The following EPHA7 variants were observed in gnomAD, a reference collection of about 807,000 sequenced individuals.
The protein encoded by EPHA7 is ephrin type-A receptor 7.
EPHA7 carries 25 observed loss-of-function variants against 112.6 expected under a neutral mutation model. That is an observed-to-expected ratio of 0.22 (90% CI 0.16 to 0.31). The LOEUF is 0.31. EPHA7 is among the 10% of genes least tolerant of loss of function. The probability of loss-of-function intolerance (pLI) is 1.00; values close to 1 mark genes in which losing one functional copy is unlikely to be tolerated. For missense variants in EPHA7, 962 were observed against 1,212.6 expected (o/e 0.79, Z 3.07); for synonymous variants, 437 against 406.5 (o/e 1.07, Z -0.90).
At chr6:93,263,308 T>C (rs2127866822) in intron 9 of EPHA7, among the ~76,000 whole-genome samples, 1 of 151,492 alleles carries the variant, frequency 6.6e-6, no homozygotes, top group East Asian at 1.9e-4. Context: ...CTAAATATGA[T>C]TTCTAAAATG....
chr6:93,346,230 T>C (rs1775400518), intron 5 of EPHA7, among the ~76,000 whole-genome samples: 1 of 151,838 alleles, frequency 6.6e-6, no homozygotes, highest in South Asian at 2.1e-4. Flanking sequence ...TGTCTTTACA[T>C]GAATAATGTA....
intron 9 of EPHA7, among the ~76,000 whole-genome samples, chr6:93,263,235 T>C (rs185286598): frequency 7.9e-5 from 12 of 151,490 alleles, no homozygotes; most frequent in African/African-American, 2.4e-4. Context: ...TCTTGTTTCA[T>C]TGCAACAAGA....
Position 93,394,135 on chromosome 6 carries a change from C to A in EPHA7, c.832+16366G>T, listed in dbSNP as rs549721829. Among the ~76,000 whole-genome samples the A allele has an allele frequency of 3.6e-4, 54 of 151,924 alleles. 1 individual carries two copies. In the South Asian group the frequency reaches 0.01, roughly 29 times the overall value. On this transcript the variant is annotated intron_variant, in intron 3 of 16. Transcript: ENST00000369303. ...ATTAGCTCAATTTAATCCACCACCA[C>A]AACCACCATTACAACTACTAACAAT...
chr6:93,404,556 T>TTA, intron 3 of EPHA7, among the ~76,000 whole-genome samples: 1 of 150,758 alleles, frequency 6.6e-6, no homozygotes, highest in African/African-American at 2.4e-5. Flanking sequence ...ATTCATGAAT[T>TTA]TATATATATA....
intron 14 of EPHA7, among the ~76,000 whole-genome samples, chr6:93,248,338 A>G (rs1341166845): frequency 1.3e-5 from 2 of 152,088 alleles, no homozygotes; most frequent in African/African-American, 2.4e-5. Context: ...ATTCTTTTGT[A>G]TAAGGGAAAA....
intron 7 of EPHA7, among the ~76,000 whole-genome samples, chr6:93,266,446 T>G (rs1770943231): frequency 6.6e-6 from 1 of 151,826 alleles, no homozygotes; most frequent in Non-Finnish European, 1.5e-5. Flanking sequence ...TATACATTTT[T>G]GTATATTGTC....
chr6:93,262,513 C>T (rs1261154873), intron 9 of EPHA7, among the ~76,000 whole-genome samples: 1 of 151,342 alleles, frequency 6.6e-6, no homozygotes, highest in Non-Finnish European at 1.5e-5. Flanking sequence ...TTTGCTACAG[C>T]ACTCCCAGGG....
In EPHA7 at chr6:93,414,733, C is replaced by T; in HGVS notation, c.132G>A (p.Glu44=). The T allele has an allele frequency of 3.1e-6, 5 of 1,612,614 alleles. No individual in the cohort carries two copies. The South Asian group carries it at 5.5e-5, about 18-fold the overall frequency. The change falls in exon 2 of 17, where the codon GAG becomes GAA. Residue 44 remains glutamate, a synonymous_variant. Transcript: ENST00000369303. ...TGGGTGGAGAGGAAATCCACTCCAA[C>T]TCTGTTTGTTGTGCTTTAGAATCCA... The part of the protein sequence containing the change: ...LLLDSKAQQT[E]LEWISSPPNG...
chr6:93,385,691 C>A (rs1415303782), intron 3 of EPHA7, among the ~76,000 whole-genome samples: 2 of 151,814 alleles, frequency 1.3e-5, no homozygotes, highest in African/African-American at 4.8e-5. Flanking sequence ...ATTAGATATA[C>A]ATAGAGATGG....
chr6:93,253,528 CTTAT>C (rs1396108280), intron 14 of EPHA7, among the ~76,000 whole-genome samples: 2 of 152,012 alleles, frequency 1.3e-5, no homozygotes, highest in Non-Finnish European at 2.9e-5. Context: ...TTAAACACTA[CTTAT>C]TTTTTTGACT....
At chr6:93,358,031 A>G (rs1776044898) in intron 4 of EPHA7, among the ~76,000 whole-genome samples, 1 of 152,176 alleles carries the variant, frequency 6.6e-6, no homozygotes, top group African/African-American at 2.4e-5. Context: ...ATGCATCTTA[A>G]TTTTGCAGAC....
intron 11 of EPHA7, 62 bp downstream of exon 11, chr6:93,258,037 T>A: frequency 1.4e-6 from 2 of 1,445,714 alleles, no homozygotes; most frequent in Non-Finnish European, 1.9e-6. Context: ...ATTGTGTACA[T>A]AATAATACTA....
In EPHA7 at chr6:93,242,981, T is replaced by C. The variant is rs1769749993; in HGVS notation, c.*445A>G. On this transcript the variant is annotated 3_prime_UTR_variant, in exon 17 of 17. Coordinates refer to ENST00000369303, the MANE Select transcript of EPHA7 (RefSeq NM_004440.4). ...CTATAAACAGCTTTCTAAAACAAAG[T>C]CCTTATGAAGAATAAACACAAATGA... The C allele has an allele frequency of 9.1e-6, 2 of 219,614 alleles. No individual in the cohort carries two copies. Among genetic ancestry groups the C allele is most frequent in the Non-Finnish European group, 1.8e-5 (2 of 109,378 alleles). 13.6% of individuals were successfully genotyped at this position (219,614 alleles called of 1,614,324 possible).
chr6:93,398,626 A>T (rs1033123255), intron 3 of EPHA7, among the ~76,000 whole-genome samples: 1 of 152,032 alleles, frequency 6.6e-6, no homozygotes, highest in Non-Finnish European at 1.5e-5. Flanking sequence ...GGGATTGAAA[A>T]GAAGAGACAC....
chr6:93,252,613 C>T (rs1335391481), intron 14 of EPHA7, among the ~76,000 whole-genome samples: 3 of 151,722 alleles, frequency 2.0e-5, no homozygotes, highest in African/African-American at 4.8e-5. Flanking sequence ...GATTTTTCTC[C>T]ATTTGCATAT....
intron 11 of EPHA7, 86 bp downstream of exon 11, chr6:93,258,013 T>A (rs1161149280): frequency 2.4e-6 from 3 of 1,262,034 alleles, no homozygotes; most frequent in African/African-American, 3.0e-5. Flanking sequence ...GCAACATATT[T>A]CATAATTTGT....
Position 93,243,407 on chromosome 6 carries a change from TA to T in EPHA7, c.*18del. 1.3e-6 allele frequency: 2 copies of T among 1,584,100 alleles called. No homozygotes were observed. Among genetic ancestry groups the T allele is most frequent in the Non-Finnish European group, 8.7e-7 (1 of 1,153,414 alleles). On this transcript the variant is annotated 3_prime_UTR_variant, in exon 17 of 17. Coordinates refer to ENST00000369303, the MANE Select transcript of EPHA7 (RefSeq NM_004440.4). ...TTCTCTTGCAGTCTGTAATCTCCCT[TA>T]AAAGGGAGAAATGCATATCACACTT...
chr6:93,302,650 GAT>G (rs1455450236), intron 5 of EPHA7, among the ~76,000 whole-genome samples: 1 of 152,170 alleles, frequency 6.6e-6, no homozygotes, highest in African/African-American at 2.4e-5. Flanking sequence ...TTGAAACAGA[GAT>G]AATTTAATTT....
intron 3 of EPHA7, among the ~76,000 whole-genome samples, chr6:93,377,345 T>C (rs182184821): frequency 5.9e-5 from 9 of 152,270 alleles, no homozygotes; most frequent in Admixed American, 3.3e-4. Flanking sequence ...GTCCTTGTAA[T>C]AGAGCCCATC....
Sources: allele counts gnomAD v4.1 joint callset (sites outside exome capture counted in the v4.1 genomes callset), GRCh38; gene constraint gnomAD v4.1.1; transcripts MANE v1.5; gene names NCBI Gene and HGNC (gene_info 2026-07-23, HGNC 2026-07-21).